The following CATSPERT variants were observed in gnomAD, a reference collection of about 807,000 sequenced individuals.
The protein encoded by CATSPERT is cation channel sperm-associated targeting subunit tau.
chr2:201,561,397 A>T, the CATSPERT span, among the ~76,000 whole-genome samples: 1 of 152,158 alleles, frequency 6.6e-6, no homozygotes, highest in Admixed American at 6.5e-5. Flanking sequence ...TAAAATCAAA[A>T]CTCATTGAAG....
the CATSPERT span, among the ~76,000 whole-genome samples, chr2:201,612,933 C>T: frequency 6.6e-6 from 1 of 152,198 alleles, no homozygotes; most frequent in East Asian, 1.9e-4. Flanking sequence ...GGTCCCACGC[C>T]CACGGAGCTT....
At chr2:201,492,255 T>A in the CATSPERT span, 1 of 1,522,240 alleles carries the variant, frequency 6.6e-7, no homozygotes, top group South Asian at 1.2e-5. Flanking sequence ...TTTTTATATA[T>A]TTTAATGGTA....
the CATSPERT span, among the ~76,000 whole-genome samples, chr2:201,585,715 T>G: frequency 6.1e-4 from 93 of 152,290 alleles, no homozygotes; most frequent in East Asian, 5.8e-3. Flanking sequence ...AGGAGAAGGA[T>G]GAAAGATGAG....
the CATSPERT span, among the ~76,000 whole-genome samples, chr2:201,581,513 T>C: frequency 1.7e-5 from 1 of 59,948 alleles, no homozygotes; most frequent in Non-Finnish European, 3.3e-5. Flanking sequence ...TATATATATA[T>C]ATATATATAT....
At chr2:201,503,545 C>T in the CATSPERT span, among the ~76,000 whole-genome samples, 1 of 152,100 alleles carries the variant, frequency 6.6e-6, no homozygotes, top group Non-Finnish European at 1.5e-5. Context: ...TAGGGGGGCA[C>T]CACCACACCT....
chr2:201,613,710 G>A, the CATSPERT span, among the ~76,000 whole-genome samples: 2 of 152,208 alleles, frequency 1.3e-5, no homozygotes, highest in Non-Finnish European at 2.9e-5. Flanking sequence ...GAATGAATTT[G>A]ACGAGTTGAG....
the CATSPERT span, among the ~76,000 whole-genome samples, chr2:201,566,984 T>A: frequency 6.6e-6 from 1 of 152,174 alleles, no homozygotes; most frequent in Non-Finnish European, 1.5e-5. Context: ...AAACAACTCC[T>A]CCCAAGGTCT....
At chr2:201,530,345 C>A in the CATSPERT span, among the ~76,000 whole-genome samples, 1 of 152,106 alleles carries the variant, frequency 6.6e-6, no homozygotes, top group African/African-American at 2.4e-5. Flanking sequence ...GATATGGAAG[C>A]AACTTAAGTG....
At chr2:201,617,733 C>CT in the CATSPERT span, among the ~76,000 whole-genome samples, 3 of 152,276 alleles carry the variant, frequency 2.0e-5, no homozygotes, top group East Asian at 1.9e-4. Context: ...TAAAGAGCTT[C>CT]TGCACAGCAA....
At chr2:201,491,594 T>G in the CATSPERT span, 1 of 1,537,200 alleles carries the variant, frequency 6.5e-7, no homozygotes, top group African/African-American at 1.4e-5. Flanking sequence ...GTCTCTGTAT[T>G]GAAATGAGTT....
the CATSPERT span, among the ~76,000 whole-genome samples, chr2:201,537,991 T>A: frequency 6.6e-6 from 1 of 152,148 alleles, no homozygotes; most frequent in African/African-American, 2.4e-5. Flanking sequence ...CACAACTACA[T>A]GACTTCGTTC....
chr2:201,585,373 T>C, the CATSPERT span, among the ~76,000 whole-genome samples: 1 of 134,978 alleles, frequency 7.4e-6, no homozygotes, highest in South Asian at 2.3e-4. Flanking sequence ...TCCCAGAACT[T>C]AAAGTATTAA....
At chr2:201,563,165 C>T in the CATSPERT span, among the ~76,000 whole-genome samples, 12 of 60,546 alleles carry the variant, frequency 2.0e-4, no homozygotes, top group South Asian at 6.3e-4. Context: ...ACCTCCCTCC[C>T]GGACGGGGCG....
the CATSPERT span, chr2:201,537,455 G>C: frequency 1.3e-6 from 2 of 1,589,828 alleles, no homozygotes; most frequent in Middle Eastern, 2.0e-4. Flanking sequence ...AGTAGTTTCA[G>C]CTTCCTCATT....
the CATSPERT span, among the ~76,000 whole-genome samples, chr2:201,514,965 C>T: frequency 6.6e-6 from 1 of 151,834 alleles, no homozygotes; most frequent in Non-Finnish European, 1.5e-5. Flanking sequence ...TTTTGCAAAA[C>T]CAAAATGATG....
chr2:201,536,438 C>T, the CATSPERT span: 49 of 1,233,244 alleles, frequency 4.0e-5, no homozygotes, highest in Admixed American at 9.4e-5. Context: ...TAACAAATTA[C>T]CATTATTATT....
chr2:201,530,409 A>G, the CATSPERT span, among the ~76,000 whole-genome samples: 1 of 152,240 alleles, frequency 6.6e-6, no homozygotes, highest in African/African-American at 2.4e-5. Flanking sequence ...ACAGTGGAAT[A>G]CTACGCAGCC....
At chr2:201,592,464 C>A in the CATSPERT span, among the ~76,000 whole-genome samples, 1 of 147,762 alleles carries the variant, frequency 6.8e-6, no homozygotes, top group African/African-American at 2.5e-5. Context: ...TGTCTCTGCC[C>A]GCCTTTGGTA....
At chr2:201,612,337 G>A in the CATSPERT span, among the ~76,000 whole-genome samples, 2 of 152,110 alleles carry the variant, frequency 1.3e-5, no homozygotes, top group African/African-American at 2.4e-5. Context: ...CACCTTGGGA[G>A]GCCAGGTGGG....
Sources: allele counts gnomAD v4.1 joint callset (sites outside exome capture counted in the v4.1 genomes callset), GRCh38; gene constraint gnomAD v4.1.1; transcripts MANE v1.5; gene names NCBI Gene and HGNC (gene_info 2026-07-23, HGNC 2026-07-21).